OXR1: variants seen among roughly 807,000 people sequenced by gnomAD.
OXR1 encodes the protein oxidation resistance 1.
Under a neutral mutation model 104.6 loss-of-function variants are expected in OXR1, and 41 were observed. That is an observed-to-expected ratio of 0.39 (90% CI 0.31 to 0.51). The LOEUF is 0.51. OXR1 is among the 20% of genes least tolerant of loss of function. The probability of loss-of-function intolerance (pLI) is 0.77; values close to 1 mark genes in which losing one functional copy is unlikely to be tolerated. For missense variants in OXR1, 955 were observed against 1,031.9 expected (o/e 0.93, Z 1.02); for synonymous variants, 348 against 348.4 (o/e 1.00, Z 0.01).
chr8:106,451,159 G>C (rs1411771742), intron 2 of OXR1, among the ~76,000 whole-genome samples: 3 of 152,114 alleles, frequency 2.0e-5, no homozygotes, highest in Non-Finnish European at 4.4e-5. Context: ...ATATGCTCTT[G>C]AGGTGAGGAC....
At chr8:106,549,854 T>A (rs931764035) in intron 3 of OXR1, among the ~76,000 whole-genome samples, 4 of 152,190 alleles carry the variant, frequency 2.6e-5, no homozygotes, top group Admixed American at 2.0e-4. Flanking sequence ...CTTTTTGTGT[T>A]AAGTGTCAAC....
At position 106,562,728 on chromosome 8, in the gene OXR1, G is replaced by A. The variant is rs189524736; in HGVS notation, c.220+43589G>A. 2.5e-3 allele frequency among the ~76,000 whole-genome samples: 384 copies of A among 152,222 alleles called. 4 individuals carry two copies. Among genetic ancestry groups the A allele is most frequent in the African/African-American group, 8.5e-3 (355 of 41,546 alleles). On this transcript the variant is annotated intron_variant, in intron 3 of 16. Transcript: ENST00000517566. ...TTAAGGGCAGCCAGAGAGAAAGGTC[G>A]GGTTACCCACAAAGAGAAGCCCATC...
At chr8:106,504,662 T>G (rs1812037997) in intron 2 of OXR1, among the ~76,000 whole-genome samples, 1 of 152,198 alleles carries the variant, frequency 6.6e-6, no homozygotes, top group Non-Finnish European at 1.5e-5. Flanking sequence ...AAAAGCCTTC[T>G]AATCTAGAGA....
intron 9 of OXR1, among the ~76,000 whole-genome samples, chr8:106,709,421 G>A (rs1831478161): frequency 6.6e-6 from 1 of 152,022 alleles, no homozygotes; most frequent in African/African-American, 2.4e-5. Context: ...ATGCTGCCCA[G>A]CATTCTTCAA....
intron 2 of OXR1, among the ~76,000 whole-genome samples, chr8:106,442,805 T>C (rs1356645574): frequency 6.6e-6 from 1 of 151,902 alleles, no homozygotes; most frequent in Non-Finnish European, 1.5e-5. Flanking sequence ...ATTCTTCTCA[T>C]CTTCCCTCTT....
intron 3 of OXR1, among the ~76,000 whole-genome samples, chr8:106,649,760 G>A (rs1968804): frequency 2.0e-5 from 3 of 151,690 alleles, no homozygotes; most frequent in Non-Finnish European, 2.9e-5. Context: ...GCAGTGGCGC[G>A]GTCTCGGCTC....
At chr8:106,366,600 A>G (rs1816478458) in intron 2 of OXR1, among the ~76,000 whole-genome samples, 1 of 152,234 alleles carries the variant, frequency 6.6e-6, no homozygotes, top group Admixed American at 6.5e-5. Context: ...AAGGTTAGAC[A>G]TGAATATAAG....
chr8:106,386,222 A>G (rs1817365498), intron 2 of OXR1, among the ~76,000 whole-genome samples: 1 of 152,190 alleles, frequency 6.6e-6, no homozygotes, highest in African/African-American at 2.4e-5. Context: ...GTGGATGCAG[A>G]GGGCTTCAAG....
intron 2 of OXR1, among the ~76,000 whole-genome samples, chr8:106,380,611 T>C (rs1285777296): frequency 3.9e-5 from 6 of 152,224 alleles, no homozygotes; most frequent in African/African-American, 1.4e-4. Context: ...TTTCTGTTTC[T>C]CCACATCCTT....
chr8:106,449,232 G>A (rs1030695056), intron 2 of OXR1, among the ~76,000 whole-genome samples: 6 of 151,982 alleles, frequency 3.9e-5, no homozygotes, highest in African/African-American at 7.3e-5. Context: ...TTGACTCTTC[G>A]TTTAATTATA....
intron 7 of OXR1, among the ~76,000 whole-genome samples, chr8:106,694,779 A>G (rs370618605): frequency 2.7e-4 from 26 of 95,236 alleles, no homozygotes; most frequent in African/African-American, 8.8e-4. Flanking sequence ...AGATAAATAC[A>G]TATATATTTA....
chr8:106,378,422 C>G (rs1002572826), intron 2 of OXR1, among the ~76,000 whole-genome samples: 2 of 152,328 alleles, frequency 1.3e-5, no homozygotes, highest in Admixed American at 6.5e-5. Context: ...TGCTTCCCCC[C>G]ACTCTCTTCA....
At chr8:106,331,629 A>G (rs1222160175) in intron 1 of OXR1, among the ~76,000 whole-genome samples, 2 of 152,178 alleles carry the variant, frequency 1.3e-5, no homozygotes, top group African/African-American at 2.4e-5. Context: ...GAAGCATTAC[A>G]TAGAATATCT....
chr8:106,674,533 A>C (rs1827369129), intron 3 of OXR1, among the ~76,000 whole-genome samples: 1 of 152,170 alleles, frequency 6.6e-6, no homozygotes, highest in African/African-American at 2.4e-5. Flanking sequence ...GGAGTGAATT[A>C]AGACTTTGGG....
intron 1 of OXR1, among the ~76,000 whole-genome samples, chr8:106,336,700 C>G (rs139601375): frequency 1.3e-5 from 2 of 152,264 alleles, no homozygotes; most frequent in African/African-American, 4.8e-5. Flanking sequence ...CTTCAGCTTT[C>G]TCTTCTGAAG....
At chr8:106,549,423 T>A (rs991091310) in intron 3 of OXR1, among the ~76,000 whole-genome samples, 3 of 152,190 alleles carry the variant, frequency 2.0e-5, no homozygotes, top group African/African-American at 7.2e-5. Context: ...TATTAGCAAA[T>A]ATGTATGAAC....
rs1586644171 is a variant in OXR1 at position 106,439,069 on chromosome 8, T to TA, written c.23+79438dup. Among the ~76,000 whole-genome samples, 3 of 152,222 alleles carry TA rather than the reference T, an allele frequency of 2.0e-5. No individual in the cohort carries two copies. The East Asian group carries it at 5.8e-4, about 29-fold the overall frequency. On this transcript the variant is annotated intron_variant, in intron 2 of 16. Coordinates refer to ENST00000517566, the MANE Select transcript of OXR1 (RefSeq NM_001198533.2). ...CATATTCAGAAGATATTTGCTTCTT[T>TA]AAAAATTGTATTTCTATTTGTGTTT...
At chr8:106,412,880 C>G (rs1208399835) in intron 2 of OXR1, among the ~76,000 whole-genome samples, 1 of 151,976 alleles carries the variant, frequency 6.6e-6, no homozygotes, top group Non-Finnish European at 1.5e-5. Flanking sequence ...GTACATGTAT[C>G]TCTTCTATAA....
chr8:106,285,388 C>A (rs1195343198), intron 1 of OXR1, among the ~76,000 whole-genome samples: 1 of 152,010 alleles, frequency 6.6e-6, no homozygotes, highest in Non-Finnish European at 1.5e-5. Context: ...TGTTAACTAC[C>A]AGTGGGGATT....
Sources: gnomAD v4.1 joint callset for allele counts (sites outside exome capture counted in the v4.1 genomes callset) on GRCh38, gnomAD v4.1.1 for gene constraint, MANE v1.5 for transcripts, NCBI Gene and HGNC (gene_info 2026-07-23, HGNC 2026-07-21) for gene names.